Variants in DCC observed in about 807,000 individuals in gnomAD.
DCC encodes netrin receptor DCC.
A neutral mutation model predicts 172.5 loss-of-function variants in DCC; 58 were observed. The ratio of observed to expected loss-of-function variants is 0.34; its 90% CI spans 0.27 to 0.42. DCC has a LOEUF of 0.42. Among genes scored for constraint, DCC ranks in the 10% least tolerant of loss-of-function variants. DCC has a pLI of 1.00. For synonymous variants in DCC, 709 were observed against 644.5 expected (o/e 1.10, Z -1.52); for missense variants, 1,740 against 1,791.0 (o/e 0.97, Z 0.51).
chr18:53,283,095 C>T (rs1160639331), intron 12 of DCC, among the ~76,000 whole-genome samples: 3 of 152,036 alleles, frequency 2.0e-5, no homozygotes, highest in South Asian at 2.1e-4. Context: ...TTACAAGTAA[C>T]CTGCAGGCAA....
At chr18:53,002,357 GC>G (rs1424383057) in intron 5 of DCC, among the ~76,000 whole-genome samples, 1 of 152,056 alleles carries the variant, frequency 6.6e-6, no homozygotes, top group Non-Finnish European at 1.5e-5. Flanking sequence ...AATTATAAAT[GC>G]CCCTGACAAT....
chr18:53,393,508 A>G (rs996267337), intron 17 of DCC, among the ~76,000 whole-genome samples: 3 of 152,230 alleles, frequency 2.0e-5, no homozygotes, highest in African/African-American at 7.2e-5. Context: ...AAGACAACCA[A>G]TGAAACATAT....
At chr18:52,633,420 G>T (rs996983403) in intron 1 of DCC, among the ~76,000 whole-genome samples, 17 of 152,092 alleles carry the variant, frequency 1.1e-4, no homozygotes, top group Admixed American at 1.1e-3. Context: ...GGCAGATCCT[G>T]GGCTGAAAAT....
Position 52,990,540 on chromosome 18 carries a change from C to CAAAAAAAAAAAAAAAAAAAAAAAAAAAAA in DCC, c.985+65196_985+65197insAAAAAAAAAAAAAAAAAAAAAAAAAAAAA. ...GGGCAACAAGAGCAAAACTCCATCC[C>CAAAAAAAAAAAAAAAAAAAAAAAAAAAAA]AAAAAAAAAAAAAAAAAAAAAAAAA... is the stretch of plus-strand genomic sequence containing the variant. On this transcript the variant is annotated intron_variant, in intron 5 of 28. Coordinates refer to ENST00000442544, the MANE Select transcript of DCC (RefSeq NM_005215.4). Among the ~76,000 whole-genome samples the CAAAAAAAAAAAAAAAAAAAAAAAAAAAAA allele has an allele frequency of 5.5e-4, 2 of 3,660 alleles. 1 individual carries two copies. 2.4% of individuals were successfully genotyped at this position (3,660 alleles called of 152,430 possible). A position where few individuals can be genotyped will look rare whatever the true frequency, so the allele number is the denominator to read the frequency against.
At chr18:53,330,191 T>G (rs140828370) in intron 14 of DCC, among the ~76,000 whole-genome samples, 1 of 152,166 alleles carries the variant, frequency 6.6e-6, no homozygotes, top group Admixed American at 6.6e-5. Flanking sequence ...CAAAGATGGG[T>G]GACTCAACCA....
intron 27 of DCC, among the ~76,000 whole-genome samples, chr18:53,505,686 T>C (rs1221962840): frequency 1.3e-5 from 2 of 152,160 alleles, no homozygotes; most frequent in Admixed American, 6.5e-5. Flanking sequence ...TGAAAAATAA[T>C]AAATAATCTA....
intron 27 of DCC, among the ~76,000 whole-genome samples, chr18:53,514,893 C>G (rs1040983695): frequency 3.3e-5 from 5 of 151,724 alleles, no homozygotes; most frequent in African/African-American, 1.2e-4. Flanking sequence ...AGTACCATTC[C>G]TTCTGAAACT....
intron 2 of DCC, among the ~76,000 whole-genome samples, chr18:52,803,553 A>G (rs1168362700): frequency 6.6e-6 from 1 of 152,228 alleles, no homozygotes; most frequent in Non-Finnish European, 1.5e-5. Context: ...AAAATAGACT[A>G]GTACCTATAT....
intron 5 of DCC, among the ~76,000 whole-genome samples, chr18:52,930,690 T>C (rs950889293): frequency 1.2e-4 from 19 of 152,310 alleles, no homozygotes; most frequent in Non-Finnish European, 2.6e-4. Flanking sequence ...TTTTACATTT[T>C]GTGAATTTGC....
At chr18:52,745,700 T>G (rs548897065) in intron 1 of DCC, among the ~76,000 whole-genome samples, 1 of 152,312 alleles carries the variant, frequency 6.6e-6, no homozygotes, top group South Asian at 2.1e-4. Context: ...ATTGTTAACT[T>G]TAGTCACAGT....
intron 7 of DCC, among the ~76,000 whole-genome samples, chr18:53,151,772 T>C (rs1403199795): frequency 6.6e-6 from 1 of 152,142 alleles, no homozygotes; most frequent in African/African-American, 2.4e-5. Flanking sequence ...AAGTTCTTAA[T>C]CTACTACCAC....
At chr18:52,496,157 T>TC (rs1438977387) in intron 1 of DCC, among the ~76,000 whole-genome samples, 1 of 151,970 alleles carries the variant, frequency 6.6e-6, no homozygotes, top group Non-Finnish European at 1.5e-5. Flanking sequence ...AAATCACGAA[T>TC]CCCCCCATGG....
intron 1 of DCC, among the ~76,000 whole-genome samples, chr18:52,459,892 T>C (rs962065028): frequency 6.6e-6 from 1 of 151,210 alleles, no homozygotes; most frequent in East Asian, 1.9e-4. Context: ...CATATATATA[T>C]ATATATACAC....
chr18:52,913,722 AT>A (rs1266373923), intron 3 of DCC, among the ~76,000 whole-genome samples: 1 of 152,014 alleles, frequency 6.6e-6, no homozygotes, highest in African/African-American at 2.4e-5. Flanking sequence ...TCATTTCTGC[AT>A]TTACTTATGA....
At chr18:52,872,701 A>C (rs1376093783) in intron 2 of DCC, among the ~76,000 whole-genome samples, 1 of 152,210 alleles carries the variant, frequency 6.6e-6, no homozygotes, top group Non-Finnish European at 1.5e-5. Context: ...CCCTCAATGC[A>C]AAGACTTTGG....
intron 26 of DCC, among the ~76,000 whole-genome samples, chr18:53,490,499 T>C (rs1434968780): frequency 6.6e-6 from 1 of 152,236 alleles, no homozygotes; most frequent in Non-Finnish European, 1.5e-5. Flanking sequence ...GATTTGACTC[T>C]GCTGTGTAAT....
chr18:53,325,723 C>A lies in DCC; in HGVS notation c.2164+3566C>A, dbSNP rs73465087. ...CTTAATAATGGCCCTCTTGTACATG[C>A]AACATTCCTTCTTTTTCTTTGGGTA... is the stretch of plus-strand genomic sequence containing the variant. On this transcript the variant is annotated intron_variant, in intron 14 of 28. Coordinates refer to ENST00000442544, the MANE Select transcript of DCC (RefSeq NM_005215.4). 1.4e-3 allele frequency among the ~76,000 whole-genome samples: 210 copies of A among 152,288 alleles called. 1 individual carries two copies. The highest frequency in any genetic ancestry group is 4.9e-3 in the African/African-American group (204 of 41,554).
At chr18:52,534,644 G>A (rs1056099897) in intron 1 of DCC, among the ~76,000 whole-genome samples, 4 of 152,098 alleles carry the variant, frequency 2.6e-5, no homozygotes, top group African/African-American at 9.7e-5. Flanking sequence ...ATTTAGCAAA[G>A]CAATGATTTA....
intron 5 of DCC, among the ~76,000 whole-genome samples, chr18:52,979,396 T>C (rs2041171176): frequency 6.6e-6 from 1 of 152,134 alleles, no homozygotes. Context: ...TTCCTCCCTA[T>C]GAAATGAGTG....
Sources: allele counts gnomAD v4.1 joint callset (sites outside exome capture counted in the v4.1 genomes callset), GRCh38; gene constraint gnomAD v4.1.1; transcripts MANE v1.5; gene names NCBI Gene and HGNC (gene_info 2026-07-23, HGNC 2026-07-21).